ATL3: variants seen among roughly 807,000 people sequenced by gnomAD.
ATL3 encodes the protein atlastin GTPase 3.
A neutral mutation model predicts 69.5 loss-of-function variants in ATL3; 49 were observed. The observed-to-expected ratio is 0.71, with a 90% CI of 0.56 to 0.89. ATL3 has a LOEUF of 0.89. Among genes scored for constraint, ATL3 ranks in the 40% least tolerant of loss-of-function variants. The pLI is 0.00. For missense variants in ATL3, 606 were observed against 645.7 expected, an observed-to-expected ratio of 0.94 and a Z score of 0.67; for synonymous variants, 214 against 224.1, an observed-to-expected ratio of 0.95 and a Z score of 0.40.
intron 8 of ATL3, among the ~76,000 whole-genome samples, chr11:63,640,882 G>A (rs1939679859): frequency 6.6e-6 from 1 of 152,054 alleles, no homozygotes; most frequent in Non-Finnish European, 1.5e-5. Flanking sequence ...GATTACAGGC[G>A]TGAGCCACTG....
At chr11:63,636,777 C>T (rs1267928116) in intron 8 of ATL3, among the ~76,000 whole-genome samples, 4 of 151,090 alleles carry the variant, frequency 2.6e-5, no homozygotes, top group African/African-American at 9.7e-5. Context: ...AAGAAGGGGT[C>T]TGAGACTATG....
At chr11:63,652,024 T>C in intron 4 of ATL3, 38 bp from the exon 5 acceptor site, 1 of 1,578,620 alleles carries the variant, frequency 6.3e-7, no homozygotes, top group Non-Finnish European at 8.6e-7. Flanking sequence ...TACTCTGGCT[T>C]ACTTCAAACA....
chr11:63,639,004 C>T (rs937917108), intron 8 of ATL3, among the ~76,000 whole-genome samples: 1 of 152,184 alleles, frequency 6.6e-6, no homozygotes, highest in Non-Finnish European at 1.5e-5. Flanking sequence ...CAACCTCAGG[C>T]TAATGTCTTT....
Position 63,658,816 on chromosome 11 carries a change from G to C in ATL3, c.350C>G (p.Thr117Ser). The C allele has an allele frequency of 6.2e-7, 1 of 1,612,664 alleles. No individual in the cohort carries two copies. The highest frequency in any genetic ancestry group is 2.2e-5 in the East Asian group (1 of 44,808). ...SWRGGSDPET[T>S]GIQIWSEVFT... is the part of the protein sequence containing the mutation. ...AACTTCACTCCAGATTTGAATCCCA[G>C]TGGTTTCTGGATCAGATCCCCCTCT... Residue 117 changes from threonine to serine, a missense_variant, in exon 3 of 13, where the codon ACT (threonine) becomes AGT (serine). Physicochemically the swap from Thr to Ser is moderately conservative, Grantham distance 58. Coordinates refer to ENST00000398868, the MANE Select transcript of ATL3 (RefSeq NM_015459.5).
chr11:63,629,428 C>T (rs1203528124), intron 12 of ATL3, 23 bp from the exon 13 acceptor site: 1 of 1,593,646 alleles, frequency 6.3e-7, no homozygotes, highest in Non-Finnish European at 8.6e-7. Context: ...ATTTATTCAA[C>T]ATATAAGTTA....
At chr11:63,663,787 C>T (rs2134536067) in intron 1 of ATL3, among the ~76,000 whole-genome samples, 1 of 152,348 alleles carries the variant, frequency 6.6e-6, no homozygotes, top group South Asian at 2.1e-4. Context: ...ATATTAATTT[C>T]TCCCTCCTGC....
intron 1 of ATL3, among the ~76,000 whole-genome samples, chr11:63,661,001 G>A (rs752350664): frequency 1.3e-5 from 2 of 151,676 alleles, no homozygotes; most frequent in African/African-American, 2.4e-5. Flanking sequence ...ATCACTTGAG[G>A]TCAGGAGTTC....
chr11:63,656,148 C>A lies in ATL3; in HGVS notation c.405+2613G>T, dbSNP rs512249. Among the ~76,000 whole-genome samples, 1,315 of 151,190 alleles carry A rather than the reference C, an allele frequency of 8.7e-3. 17 individuals carry two copies. The highest frequency in any genetic ancestry group is 0.03 in the African/African-American group (1,245 of 41,250). ...CTGAGGCAGGAGAATGGCGTGAACC[C>A]GGGAGGCGGAGCTTGCAGTGAGCCG... On this transcript the variant is annotated intron_variant, in intron 3 of 12. Coordinates refer to ENST00000398868, the MANE Select transcript of ATL3 (RefSeq NM_015459.5).
chr11:63,631,204 C>CT lies in ATL3; in HGVS notation c.1374dup (p.Gly459ArgfsTer9). On this transcript the variant is annotated frameshift_variant, in exon 12 of 13. Coordinates refer to ENST00000398868, the MANE Select transcript of ATL3 (RefSeq NM_015459.5). LOFTEE classifies it high-confidence loss of function. ...TCAAGACCTATGAAGCCAGTGAGGC[C>CT]TGAGGCTATGTACAAAGCTACAATG... is the stretch of plus-strand genomic sequence containing the variant. 6.2e-7 allele frequency: 1 copy of CT among 1,614,188 alleles called. No homozygotes were observed. The highest frequency in any genetic ancestry group is 8.5e-7 in the Non-Finnish European group (1 of 1,180,022).
rs202246140 is a variant in ATL3, at chr11:63,627,034, A to G, written c.*2285T>C. ...AACAGAAATGGTGAATTTAAATAGT[A>G]ACTGAATCTTAAGATTTCATTAAAT... On this transcript the variant is annotated 3_prime_UTR_variant, in exon 13 of 13. Coordinates refer to ENST00000398868, the MANE Select transcript of ATL3 (RefSeq NM_015459.5). 6.6e-6 allele frequency: 1 copy of G among 152,330 alleles called. No individual in the cohort carries two copies. The highest frequency in any genetic ancestry group is 1.9e-4 in the East Asian group (1 of 5,188). 9.4% of individuals were successfully genotyped at this position (152,330 alleles called of 1,614,324 possible).
At chr11:63,656,390 T>A (rs1940248948) in intron 3 of ATL3, among the ~76,000 whole-genome samples, 1 of 151,728 alleles carries the variant, frequency 6.6e-6, no homozygotes, top group Admixed American at 6.6e-5. Flanking sequence ...AAAAGACAGA[T>A]TAGGTACAAA....
intron 12 of ATL3, among the ~76,000 whole-genome samples, chr11:63,630,426 CA>C (rs758000337): frequency 0.062 from 1,955 of 31,282 alleles, 44 homozygotes; most frequent in African/African-American, 0.15. Flanking sequence ...AAATCTGTCT[CA>C]AAAAAAAAAA....
chr11:63,671,680 T>G, upstream of ATL3: 1 of 1,340,864 alleles, frequency 7.5e-7, no homozygotes, highest in East Asian at 4.6e-5. Context: ...GGAATTGTAG[T>G]CCCGCGCTCA....
At chr11:63,643,587 C>T (rs1429576796) in intron 7 of ATL3, 92 bp from the exon 8 acceptor site, 46 of 1,208,276 alleles carry the variant, frequency 3.8e-5, no homozygotes, top group Non-Finnish European at 4.9e-5. Context: ...AAGAAGACTC[C>T]TCAACTCTGA....
At chr11:63,635,700 C>A (rs1167226194) in intron 9 of ATL3, 110 bp from the exon 10 acceptor site, 5 of 826,176 alleles carry the variant, frequency 6.1e-6, no homozygotes, top group Non-Finnish European at 9.5e-6. Context: ...AGACTTAGGT[C>A]AACAACCAGG....
At chr11:63,634,600 C>G (rs1159698159) in intron 10 of ATL3, among the ~76,000 whole-genome samples, 2 of 152,152 alleles carry the variant, frequency 1.3e-5, no homozygotes, top group Non-Finnish European at 2.9e-5. Flanking sequence ...CAACACTTGG[C>G]AATAAATCCC....
In ATL3 at chr11:63,656,857, T is replaced by TA. The variant is rs543794844; in HGVS notation, c.405+1903dup. On this transcript the variant is annotated intron_variant, in intron 3 of 12. Transcript: ENST00000398868. ...AATATTTTCCAAAACAAAGGCAAAA[T>TA]AAAGATTTTTCAGATGTATGAAAGC... Among the ~76,000 whole-genome samples, 18 of 151,220 alleles carry TA rather than the reference T, an allele frequency of 1.2e-4. No homozygotes were observed. In the East Asian group the frequency reaches 3.5e-3, roughly 29 times the overall value.
chr11:63,648,420 C>T (rs1007560289), intron 5 of ATL3, among the ~76,000 whole-genome samples: 4 of 152,208 alleles, frequency 2.6e-5, no homozygotes, highest in African/African-American at 7.2e-5. Flanking sequence ...TCATTGTGAT[C>T]CAAACCAGTA....
At chr11:63,629,600 G>A (rs1293776914) in intron 12 of ATL3, among the ~76,000 whole-genome samples, 195 bp from the exon 13 acceptor site, 1 of 152,212 alleles carries the variant, frequency 6.6e-6, no homozygotes, top group Non-Finnish European at 1.5e-5. Context: ...TCTGCTCTGT[G>A]GCTAGGGTAG....
Sources: gnomAD v4.1 joint callset for allele counts (sites outside exome capture counted in the v4.1 genomes callset) on GRCh38, gnomAD v4.1.1 for gene constraint, MANE v1.5 for transcripts, NCBI Gene and HGNC (gene_info 2026-07-23, HGNC 2026-07-21) for gene names.